Variants in CADPS observed in about 807,000 individuals in gnomAD.
CADPS encodes the protein calcium-dependent secretion activator 1.
A neutral mutation model predicts 167.3 loss-of-function variants in CADPS; 57 were observed. The ratio of observed to expected loss-of-function variants is 0.34; its 90% confidence interval spans 0.28 to 0.42. CADPS has a LOEUF of 0.42. Among genes scored for constraint, CADPS ranks in the 20% least tolerant of loss-of-function variants. CADPS has a pLI of 1.00. For synonymous variants in CADPS, 676 were observed against 635.3 expected (o/e 1.06, Z -0.96); for missense variants, 1,414 against 1,738.1 (o/e 0.81, Z 3.32).
chr3:62,819,784 G>A (rs1229845172), intron 1 of CADPS, among the ~76,000 whole-genome samples: 4 of 152,120 alleles, frequency 2.6e-5, no homozygotes, highest in Non-Finnish European at 5.9e-5. Flanking sequence ...TGTACACGTT[G>A]TCATACATTG....
intron 3 of CADPS, among the ~76,000 whole-genome samples, chr3:62,686,499 T>C (rs1477142084): frequency 6.6e-6 from 1 of 152,030 alleles, no homozygotes; most frequent in African/African-American, 2.4e-5. Flanking sequence ...TTCTCTTTTT[T>C]GTCCTGTGGC....
intron 1 of CADPS, among the ~76,000 whole-genome samples, chr3:62,766,762 C>G (rs936018044): frequency 2.0e-5 from 3 of 152,192 alleles, no homozygotes; most frequent in African/African-American, 7.2e-5. Context: ...TTATCTGGCT[C>G]TATCATGCCA....
intron 28 of CADPS, among the ~76,000 whole-genome samples, chr3:62,411,960 T>A (rs1428592325): frequency 6.6e-6 from 1 of 152,174 alleles, no homozygotes; most frequent in Non-Finnish European, 1.5e-5. Flanking sequence ...TCAAAACAAC[T>A]GCTCTTAGAA....
chr3:62,789,325 C>A (rs2092733913), intron 1 of CADPS, among the ~76,000 whole-genome samples: 2 of 152,104 alleles, frequency 1.3e-5, no homozygotes, highest in Admixed American at 1.3e-4. Context: ...AGTCACACAG[C>A]CAGAATGGAG....
intron 3 of CADPS, among the ~76,000 whole-genome samples, chr3:62,693,624 A>G (rs1244263922): frequency 6.6e-6 from 1 of 151,888 alleles, no homozygotes; most frequent in East Asian, 1.9e-4. Flanking sequence ...TGTACCAAAA[A>G]TACAAAAAAA....
chr3:62,802,153 C>T (rs950914518), intron 1 of CADPS, among the ~76,000 whole-genome samples: 1 of 152,082 alleles, frequency 6.6e-6, no homozygotes. Context: ...TAAGGCCAAG[C>T]CAAATTTTGA....
chr3:62,418,163 T>C (rs2050523050), intron 28 of CADPS, among the ~76,000 whole-genome samples: 1 of 152,048 alleles, frequency 6.6e-6, no homozygotes, highest in Non-Finnish European at 1.5e-5. Flanking sequence ...GTATATAATA[T>C]TTATATGAAT....
intron 5 of CADPS, among the ~76,000 whole-genome samples, chr3:62,649,979 C>A (rs2069670072): frequency 6.6e-6 from 1 of 152,082 alleles, no homozygotes; most frequent in Non-Finnish European, 1.5e-5. Flanking sequence ...ATCCATTCAC[C>A]AGTTGGTTAA....
At chr3:62,755,607 T>C (rs982411632) in intron 2 of CADPS, among the ~76,000 whole-genome samples, 5 of 150,822 alleles carry the variant, frequency 3.3e-5, no homozygotes, top group African/African-American at 4.9e-5. Context: ...TGGAGAGATG[T>C]TTTTTTTTAA....
intron 28 of CADPS, among the ~76,000 whole-genome samples, chr3:62,435,240 G>A (rs1283359795): frequency 1.3e-5 from 2 of 152,168 alleles, no homozygotes; most frequent in Non-Finnish European, 2.9e-5. Flanking sequence ...TTCATTTGCA[G>A]CAAGAAATTT....
intron 3 of CADPS, among the ~76,000 whole-genome samples, chr3:62,670,223 A>T (rs2075270653): frequency 6.6e-6 from 1 of 152,120 alleles, no homozygotes. Context: ...AGGTGTATAT[A>T]ACTCTACTAT....
In CADPS at chr3:62,691,739, T is replaced by A. The variant is rs572838994; in HGVS notation, c.889-29345A>T. On this transcript the variant is annotated intron_variant, in intron 3 of 29. Coordinates refer to ENST00000383710, the MANE Select transcript of CADPS (RefSeq NM_003716.4). The stretch of plus-strand genomic sequence containing the variant: ...GCAGGAGCTGAATGATGAGAACACA[T>A]GGACACATAGCAGGGCAACACACAC... Among the ~76,000 whole-genome samples, 3 of 152,048 alleles carry A rather than the reference T, an allele frequency of 2.0e-5. No homozygotes were observed. The South Asian group carries it at 6.2e-4, about 32-fold the overall frequency.
rs184867198 is a variant in CADPS at position 62,644,454 on chromosome 3, A to C, written c.1325+1268T>G. The stretch of plus-strand genomic sequence containing the variant: ...TATTGCTCCTGTGGACCGCTGAAAC[A>C]GTACCCTAACTGACCTCCTGCACAA... On this transcript the variant is annotated intron_variant, in intron 6 of 29. Coordinates refer to ENST00000383710, the MANE Select transcript of CADPS (RefSeq NM_003716.4). 5.9e-5 allele frequency among the ~76,000 whole-genome samples: 9 copies of C among 152,284 alleles called. 1 individual carries two copies. The highest frequency in any genetic ancestry group is 1.9e-4 in the African/African-American group (8 of 41,558).
chr3:62,512,575 A>C (rs926931499), intron 17 of CADPS, among the ~76,000 whole-genome samples, 176 bp downstream of exon 17: 1 of 152,174 alleles, frequency 6.6e-6, no homozygotes, highest in African/African-American at 2.4e-5. Flanking sequence ...ATAAAGGTCA[A>C]CATCAAATGG....
At chr3:62,704,022 A>G (rs2081910316) in intron 3 of CADPS, among the ~76,000 whole-genome samples, 1 of 152,014 alleles carries the variant, frequency 6.6e-6, no homozygotes, top group African/African-American at 2.4e-5. Context: ...ATTCCTTCCT[A>G]CCACCAGGGA....
chr3:62,784,591 A>G (rs2092202096), intron 1 of CADPS, among the ~76,000 whole-genome samples: 1 of 152,328 alleles, frequency 6.6e-6, no homozygotes, highest in South Asian at 2.1e-4. Context: ...GTATTCTTGT[A>G]GAAGAATCAA....
Position 62,778,976 on chromosome 3 carries a change from C to T in CADPS, c.442-12992G>A, listed in dbSNP as rs2090987578. On this transcript the variant is annotated intron_variant, in intron 1 of 29. Transcript: ENST00000383710. ...CACGATCTCAGCTCACTGCAACCTCCACCTGCCGGGTTCAAGCAATTCTGT... is the reference window on the plus strand; with the variant it reads ...CACGATCTCAGCTCACTGCAACCTCTACCTGCCGGGTTCAAGCAATTCTGT... Among the ~76,000 whole-genome samples the T allele has an allele frequency of 2.0e-5, 3 of 151,690 alleles. No homozygotes were observed. The South Asian group carries it at 6.3e-4, about 32-fold the overall frequency.
chr3:62,627,368 G>C (rs971276241), intron 6 of CADPS, among the ~76,000 whole-genome samples: 3 of 151,838 alleles, frequency 2.0e-5, no homozygotes, highest in Non-Finnish European at 4.4e-5. Flanking sequence ...TGTACTTATG[G>C]CCTGTCTATA....
intron 3 of CADPS, among the ~76,000 whole-genome samples, chr3:62,671,363 C>T (rs1303475136): frequency 6.6e-6 from 1 of 151,906 alleles, no homozygotes; most frequent in Non-Finnish European, 1.5e-5. Context: ...CCTGAAGACA[C>T]AAGGAACTGA....
Sources: gnomAD v4.1 joint callset for allele counts (sites outside exome capture counted in the v4.1 genomes callset) on GRCh38, gnomAD v4.1.1 for gene constraint, MANE v1.5 for transcripts, NCBI Gene and HGNC (gene_info 2026-07-23, HGNC 2026-07-21) for gene names.